The following SEPTIN7 variants were observed in gnomAD, a reference collection of about 807,000 sequenced individuals.
The protein encoded by SEPTIN7 is septin 7.
SEPTIN7 carries 10 observed loss-of-function variants against 63.3 expected under a neutral mutation model. That is an observed-to-expected ratio of 0.16 (90% CI 0.10 to 0.27). SEPTIN7 has a LOEUF of 0.27. Among genes scored for constraint, SEPTIN7 ranks in the 10% least tolerant of loss-of-function variants. The pLI, the probability that SEPTIN7 is intolerant of heterozygous loss-of-function variation, is 1.00. For missense variants in SEPTIN7, 310 were observed against 521.0 expected, an observed-to-expected ratio of 0.59 and a Z score of 3.94; for synonymous variants, 131 against 165.3, an observed-to-expected ratio of 0.79 and a Z score of 1.59.
At chr7:35,873,857 A>G (rs1583600641) in intron 6 of SEPTIN7, 82 bp downstream of exon 6, 2 of 1,299,482 alleles carry the variant, frequency 1.5e-6, no homozygotes, top group East Asian at 4.7e-5. Flanking sequence ...GTAATCTTTA[A>G]GTTTGTGAAG....
intron 1 of SEPTIN7, among the ~76,000 whole-genome samples, chr7:35,818,772 T>C (rs1789241122): frequency 6.6e-6 from 1 of 152,016 alleles, no homozygotes; most frequent in Non-Finnish European, 1.5e-5. Context: ...GAATTAATTG[T>C]TCATAGGTTC....
chr7:35,854,846 A>C (rs1785125353), intron 3 of SEPTIN7, among the ~76,000 whole-genome samples: 1 of 152,054 alleles, frequency 6.6e-6, no homozygotes, highest in African/African-American at 2.4e-5. Context: ...AAAGAAGAAA[A>C]ATTTAAATGT....
At chr7:35,831,321 TA>T (rs1783823484) in intron 1 of SEPTIN7, 170 bp from the exon 2 acceptor site, 1 of 184,912 alleles carries the variant, frequency 5.4e-6, no homozygotes, top group African/African-American at 2.4e-5. Context: ...GAGTTACATG[TA>T]AGTAACTTTT....
chr7:35,853,082 T>C (rs766596478), intron 3 of SEPTIN7, among the ~76,000 whole-genome samples: 2 of 152,166 alleles, frequency 1.3e-5, no homozygotes, highest in Non-Finnish European at 2.9e-5. Context: ...CTTCTTCCTG[T>C]TCTAAATTTT....
At chr7:35,897,370 T>C (rs1788016244) in intron 11 of SEPTIN7, among the ~76,000 whole-genome samples, 1 of 152,196 alleles carries the variant, frequency 6.6e-6, no homozygotes, top group Admixed American at 6.5e-5. Flanking sequence ...CTAGGTACTT[T>C]GGCATTCTCT....
At chr7:35,813,576 T>G (rs747709820) in intron 1 of SEPTIN7, among the ~76,000 whole-genome samples, 1 of 152,172 alleles carries the variant, frequency 6.6e-6, no homozygotes, top group African/African-American at 2.4e-5. Flanking sequence ...GGTTTTGCCA[T>G]GTTGACCAAG....
chr7:35,915,562 T>C, the SEPTIN7 span, among the ~76,000 whole-genome samples: 1 of 152,236 alleles, frequency 6.6e-6, no homozygotes, highest in Non-Finnish European at 1.5e-5. Flanking sequence ...TTTCCTAGTT[T>C]CCTGTTGCAC....
At chr7:35,829,090 T>TTG (rs1350318173) in intron 1 of SEPTIN7, among the ~76,000 whole-genome samples, 26 of 150,710 alleles carry the variant, frequency 1.7e-4, no homozygotes, top group Non-Finnish European at 3.2e-4. Flanking sequence ...ACTCATCCCC[T>TTG]TGTCCACTAC....
At chr7:35,889,531 A>C (rs2116326063) in intron 10 of SEPTIN7, among the ~76,000 whole-genome samples, 1 of 152,280 alleles carries the variant, frequency 6.6e-6, no homozygotes. Flanking sequence ...AATGATAAAA[A>C]CAGTACAACA....
intron 1 of SEPTIN7, among the ~76,000 whole-genome samples, chr7:35,825,762 A>G (rs1025294248): frequency 6.6e-6 from 1 of 152,176 alleles, no homozygotes; most frequent in Admixed American, 6.5e-5. Flanking sequence ...AGGTAAGTCT[A>G]GGAAGTTAAG....
chr7:35,820,964 T>C (rs1789374985), intron 1 of SEPTIN7, among the ~76,000 whole-genome samples: 1 of 152,224 alleles, frequency 6.6e-6, no homozygotes, highest in African/African-American at 2.4e-5. Context: ...TGCTTGGTTA[T>C]CTTAGTGGTC....
chr7:35,911,111 C>A (rs1237868516), downstream of SEPTIN7, among the ~76,000 whole-genome samples: 1 of 152,156 alleles, frequency 6.6e-6, no homozygotes, highest in Non-Finnish European at 1.5e-5. Context: ...AACACAGCCA[C>A]CCACCTGGGG....
the SEPTIN7 span, among the ~76,000 whole-genome samples, chr7:35,915,633 G>A: frequency 2.0e-5 from 3 of 152,022 alleles, no homozygotes; most frequent in African/African-American, 4.8e-5. Flanking sequence ...CATTTTGTTT[G>A]CTCTCCTTCC....
chr7:35,873,291 CA>C (rs1786269296), intron 5 of SEPTIN7, among the ~76,000 whole-genome samples: 1 of 151,828 alleles, frequency 6.6e-6, no homozygotes, highest in Non-Finnish European at 1.5e-5. Context: ...CCAAGTTCAC[CA>C]TGAAGTTTTT....
chr7:35,852,089 A>G (rs543250886), intron 3 of SEPTIN7, among the ~76,000 whole-genome samples: 75 of 152,302 alleles, frequency 4.9e-4, no homozygotes, highest in Non-Finnish European at 4.4e-4. Flanking sequence ...GAAAATGTGA[A>G]TAGTAATAAA....
intron 1 of SEPTIN7, among the ~76,000 whole-genome samples, chr7:35,825,372 G>T (rs1304110962): frequency 6.6e-6 from 1 of 152,076 alleles, no homozygotes; most frequent in Non-Finnish European, 1.5e-5. Flanking sequence ...TTCCTATAAG[G>T]AACCATACGC....
intron 11 of SEPTIN7, among the ~76,000 whole-genome samples, 166 bp downstream of exon 11, chr7:35,890,959 C>T (rs10276852): frequency 0.33 from 49,617 of 152,038 alleles, 8,333 homozygotes; most frequent in East Asian, 0.41. Context: ...ATAGTAGAAG[C>T]TTTTTTGAAT....
At chr7:35,885,951 T>C in intron 10 of SEPTIN7, 72 bp downstream of exon 10, 3 of 1,045,582 alleles carry the variant, frequency 2.9e-6, no homozygotes, top group Non-Finnish European at 4.3e-6. Context: ...GATTTACTTT[T>C]TGCCTTCTAT....
intron 1 of SEPTIN7, among the ~76,000 whole-genome samples, chr7:35,819,071 A>C (rs76485729): frequency 6.6e-6 from 1 of 151,988 alleles, no homozygotes; most frequent in African/African-American, 2.4e-5. Context: ...CTTTCTTTTT[A>C]ATATAGGCAT....
Sources: allele counts gnomAD v4.1 joint callset (sites outside exome capture counted in the v4.1 genomes callset), GRCh38; gene constraint gnomAD v4.1.1; transcripts MANE v1.5; gene names NCBI Gene and HGNC (gene_info 2026-07-23, HGNC 2026-07-21).